The following ABITRAM variants were observed in gnomAD, a reference collection of about 807,000 sequenced individuals.
ABITRAM encodes the protein actin binding transcription modulator, also known as protein Abitram.
In ABITRAM, 19 loss-of-function variants were observed where a neutral mutation model predicts 22.9. That is an observed-to-expected ratio of 0.83 (90% CI 0.58 to 1.22). The LOEUF is 1.22. Among genes scored for constraint, ABITRAM ranks in the 50% most tolerant of loss-of-function variants. The pLI is 0.00. For missense variants in ABITRAM, 215 were observed against 220.2 expected (o/e 0.98, Z 0.15); for synonymous variants, 70 against 73.9 (o/e 0.95, Z 0.27).
intron 1 of ABITRAM, 24 bp downstream of exon 1, chr9:108,934,589 C>G: frequency 6.3e-7 from 1 of 1,584,716 alleles, no homozygotes; most frequent in African/African-American, 1.4e-5. Context: ...GATGTTGATC[C>G]CTCCTTGGCC....
chr9:108,936,638 A>T (rs1830191085), intron 3 of ABITRAM, among the ~76,000 whole-genome samples: 1 of 152,208 alleles, frequency 6.6e-6, no homozygotes, highest in African/African-American at 2.4e-5. Context: ...AGTATCTGTT[A>T]TATTAGGTTC....
At chr9:108,942,922 T>C, downstream of ABITRAM, 2 of 1,609,356 alleles carry the variant, frequency 1.2e-6, no homozygotes, top group Non-Finnish European at 1.7e-6. Flanking sequence ...TTTAAACCAT[T>C]TTTTAAAGTA....
downstream of ABITRAM, chr9:108,944,093 A>C: frequency 7.4e-7 from 1 of 1,347,810 alleles, no homozygotes; most frequent in South Asian, 1.3e-5. Flanking sequence ...CTTACTAATA[A>C]TTTTTACGTA....
downstream of ABITRAM, among the ~76,000 whole-genome samples, chr9:108,942,155 T>TC (rs1460099454): frequency 6.6e-6 from 1 of 152,204 alleles, no homozygotes; most frequent in Non-Finnish European, 1.5e-5. Context: ...CAGGAGTTGT[T>TC]CCAGGATTCT....
downstream of ABITRAM, among the ~76,000 whole-genome samples, chr9:108,942,212 C>T (rs773012664): frequency 3.3e-5 from 5 of 152,166 alleles, no homozygotes; most frequent in Admixed American, 1.3e-4. Context: ...GGGACATACA[C>T]AGCACAGCAG....
intron 3 of ABITRAM, among the ~76,000 whole-genome samples, chr9:108,947,300 A>C (rs139769133): frequency 0.02 from 2,974 of 152,128 alleles, 37 homozygotes; most frequent in Non-Finnish European, 0.025. Context: ...TTTTTAGTGG[A>C]GACAGGGTTC....
Position 108,939,389 on chromosome 9 carries a change from G to GGACTA in ABITRAM, c.343_344insGACTA (p.Val115GlyfsTer7). The GGACTA allele has an allele frequency of 6.2e-7, 1 of 1,608,318 alleles. No individual in the cohort carries two copies. Among genetic ancestry groups the GGACTA allele is most frequent in the South Asian group, 1.1e-5 (1 of 89,416 alleles). Reference sequence around the variant, plus strand: ...AATCTTAAATTTTTTTAATAGTTGTGTTAGAGGACGTTTGATGGAAGTGAA... The same window carrying GGACTA: ...AATCTTAAATTTTTTTAATAGTTGTGGACTATTAGAGGACGTTTGATGGAAGTGAA... On this transcript the variant is annotated frameshift_variant, in exon 5 of 6. Coordinates refer to ENST00000322940, the MANE Select transcript of ABITRAM (RefSeq NM_017832.4). LOFTEE classifies it high-confidence loss of function.
chr9:108,938,878 T>C (rs1004239467), intron 3 of ABITRAM, among the ~76,000 whole-genome samples: 1 of 152,214 alleles, frequency 6.6e-6, no homozygotes, highest in South Asian at 2.1e-4. Flanking sequence ...GTTGATGGAT[T>C]TTCCCACACT....
At chr9:108,937,721 C>T (rs919872397) in intron 3 of ABITRAM, among the ~76,000 whole-genome samples, 1 of 152,138 alleles carries the variant, frequency 6.6e-6, no homozygotes, top group Middle Eastern at 3.4e-3. Context: ...GGTACAGTTG[C>T]TCATGCCTGT....
intron 3 of ABITRAM, chr9:108,950,356 G>C: frequency 2.4e-6 from 2 of 841,196 alleles, no homozygotes; most frequent in Non-Finnish European, 3.5e-6. Context: ...CTCAATCACA[G>C]GATAAGCTTG....
chr9:108,950,397 C>T, intron 3 of ABITRAM: 21 of 1,180,918 alleles, frequency 1.8e-5, no homozygotes, highest in Non-Finnish European at 2.3e-5. Flanking sequence ...TGGAAGGAAA[C>T]CACCAAAGGA....
downstream of ABITRAM, among the ~76,000 whole-genome samples, chr9:108,944,221 G>A (rs776211006): frequency 5.3e-5 from 8 of 152,170 alleles, no homozygotes; most frequent in East Asian, 3.8e-4. Flanking sequence ...CAGACCAGAT[G>A]CAGAATCCAT....
Position 108,934,457 on chromosome 9 carries a change from A to G in ABITRAM, c.-30A>G, listed in dbSNP as rs1221948388. 5 of 1,562,986 alleles carry G rather than the reference A, an allele frequency of 3.2e-6. No homozygotes were observed. The African/African-American group carries it at 5.9e-5, about 18-fold the overall frequency. On this transcript the variant is annotated 5_prime_UTR_variant, in exon 1 of 6. Coordinates refer to ENST00000322940, the MANE Select transcript of ABITRAM (RefSeq NM_017832.4). ...CGCGGAGGAAGCGCTGGGGTCCCGG[A>G]GGGCGGGGGTGGCGGCGCCGGAGGT...
rs759970917 is a variant in ABITRAM at position 108,935,631 on chromosome 9, C to G, written c.80-7C>G. 6.2e-7 allele frequency: 1 copy of G among 1,609,562 alleles called. No individual in the cohort carries two copies. The highest frequency in any genetic ancestry group is 2.2e-5 in the East Asian group (1 of 44,840). On this transcript the variant is annotated splice_region_variant and splice_polypyrimidine_tract_variant and intron_variant, in intron 1 of 5. Transcript: ENST00000322940. ...TCAGCCACCAACAGACTCATGTATT[C>G]TTCTAGATGTCAAAGGAAAATTTTG... is the stretch of plus-strand genomic sequence containing the variant.
intron 3 of ABITRAM, among the ~76,000 whole-genome samples, chr9:108,947,097 A>G (rs1046686037): frequency 9.3e-5 from 14 of 151,226 alleles, no homozygotes; most frequent in South Asian, 2.1e-4. Context: ...TGAGTGATAA[A>G]GTGATAGAAA....
chr9:108,942,802 A>G (rs754540810), downstream of ABITRAM: 13 of 1,613,516 alleles, frequency 8.1e-6, no homozygotes, highest in Non-Finnish European at 1.0e-5. Flanking sequence ...CCTTATTTGT[A>G]ACTGAGACCC....
At chr9:108,943,631 TTTA>T, downstream of ABITRAM, 1 of 1,313,138 alleles carries the variant, frequency 7.6e-7, no homozygotes, top group Non-Finnish European at 1.0e-6. Context: ...GTACTAACAG[TTTA>T]TTTGAAGAAA....
Position 108,936,400 on chromosome 9 carries a change from G to A in ABITRAM, c.224G>A (p.Ser75Asn). ...TCCTATCAGATCAGTACCAACTGTA[G>A]CAGACTTCAGAACAAGGTCTCTGGG... The part of the protein sequence containing the change: ...SISYQISTNC[S>N]RLQNKVSGKF... Residue 75 changes from serine to asparagine, a missense_variant, in exon 3 of 6, where the codon AGC (serine) becomes AAC (asparagine). Transcript: ENST00000322940. 6.2e-7 allele frequency: 1 copy of A among 1,613,960 alleles called. No homozygotes were observed. The highest frequency in any genetic ancestry group is 8.5e-7 in the Non-Finnish European group (1 of 1,179,938).
downstream of ABITRAM, chr9:108,942,692 A>C (rs1185588370): frequency 1.5e-5 from 15 of 984,728 alleles, no homozygotes; most frequent in Non-Finnish European, 2.3e-5. Flanking sequence ...AATTTCTGAA[A>C]AGATAAAGGA....
Sources: allele counts gnomAD v4.1 joint callset (sites outside exome capture counted in the v4.1 genomes callset), GRCh38; gene constraint gnomAD v4.1.1; transcripts MANE v1.5; gene names NCBI Gene and HGNC (gene_info 2026-07-23, HGNC 2026-07-21).